Variants in MAML2 observed in about 807,000 individuals in gnomAD.
MAML2 encodes the protein mastermind like transcriptional coactivator 2.
Under a neutral mutation model 96.1 loss-of-function variants are expected in MAML2, and 22 were observed. The ratio of observed to expected loss-of-function variants is 0.23; its 90% CI spans 0.16 to 0.33. The LOEUF is 0.33. Among genes scored for constraint, MAML2 ranks in the 10% least tolerant of loss-of-function variants. The probability of loss-of-function intolerance (pLI) is 1.00; values close to 1 mark genes in which losing one functional copy is unlikely to be tolerated. For missense variants in MAML2, 1,367 were observed against 1,392.4 expected (o/e 0.98, Z 0.29); for synonymous variants, 561 against 521.3 (o/e 1.08, Z -1.04).
intron 1 of MAML2, among the ~76,000 whole-genome samples, chr11:96,141,965 G>A (rs533504386): frequency 1.3e-5 from 2 of 152,302 alleles, no homozygotes; most frequent in African/African-American, 2.4e-5. Flanking sequence ...GATCAAAAAA[G>A]CTAGCCTGAG....
chr11:96,243,857 G>C (rs1180441564), intron 1 of MAML2, among the ~76,000 whole-genome samples: 1 of 152,112 alleles, frequency 6.6e-6, no homozygotes, highest in Non-Finnish European at 1.5e-5. Context: ...GTTTCACCGT[G>C]TTAGTCAGGA....
chr11:96,146,991 C>A (rs1174450688), intron 1 of MAML2, among the ~76,000 whole-genome samples: 17 of 152,166 alleles, frequency 1.1e-4, no homozygotes, highest in Admixed American at 1.1e-3. Flanking sequence ...TGAGTTCAAC[C>A]TTTCAGCTAC....
intron 1 of MAML2, among the ~76,000 whole-genome samples, chr11:96,171,502 G>A (rs1861296612): frequency 6.6e-6 from 1 of 152,184 alleles, no homozygotes; most frequent in Non-Finnish European, 1.5e-5. Context: ...ATGCTTGCAT[G>A]TGATTCGTGT....
intron 1 of MAML2, among the ~76,000 whole-genome samples, chr11:96,132,282 T>C (rs1202927795): frequency 1.3e-5 from 2 of 152,136 alleles, no homozygotes; most frequent in African/African-American, 2.4e-5. Context: ...ATTCAACAAA[T>C]AAGTTATTAA....
chr11:96,168,415 G>T (rs985127712), intron 1 of MAML2, among the ~76,000 whole-genome samples: 2 of 152,082 alleles, frequency 1.3e-5, no homozygotes, highest in Non-Finnish European at 2.9e-5. Flanking sequence ...CTCATTCCCA[G>T]GAATGAAAAT....
rs1210572130 is a variant in MAML2, at chr11:96,093,159, T to C, written c.872A>G (p.Asn291Ser). Residue 291 changes from asparagine (N) to serine (S), a missense_variant, in exon 2 of 5, where the codon AAT (asparagine) becomes AGT (serine). Asn to Ser is a conservative substitution (Grantham distance 46, BLOSUM62 1). Transcript: ENST00000524717. ...GQMTQENIFPNRYGDDPGEQL... is the reference protein window; with the variant it reads ...GQMTQENIFPSRYGDDPGEQL... ...TTCTCCAGGGTCGTCTCCGTACCTA[T>C]TAGGAAAAATATTCTCTTGGGTCAT... The C allele has an allele frequency of 8.1e-6, 13 of 1,613,996 alleles. No individual in the cohort carries two copies. The highest frequency in any genetic ancestry group is 8.5e-6 in the Non-Finnish European group (10 of 1,179,884).
At chr11:96,303,943 T>A (rs984571632) in intron 1 of MAML2, among the ~76,000 whole-genome samples, 30 of 152,164 alleles carry the variant, frequency 2.0e-4, no homozygotes, top group Non-Finnish European at 4.0e-4. Flanking sequence ...GGCCAGCTAA[T>A]CTTGTCACCA....
intron 1 of MAML2, among the ~76,000 whole-genome samples, chr11:96,136,737 A>G (rs1030868420): frequency 1.2e-4 from 19 of 152,250 alleles, no homozygotes; most frequent in Non-Finnish European, 5.9e-5. Context: ...TTCAAAATGC[A>G]TGAAAGCCCA....
intron 1 of MAML2, among the ~76,000 whole-genome samples, chr11:96,104,396 G>A (rs1859988215): frequency 6.6e-6 from 1 of 152,166 alleles, no homozygotes; most frequent in Non-Finnish European, 1.5e-5. Flanking sequence ...ATATGTCTGT[G>A]CCAATTTTTC....
At chr11:96,240,022 C>T (rs1231406931) in intron 1 of MAML2, among the ~76,000 whole-genome samples, 1 of 152,170 alleles carries the variant, frequency 6.6e-6, no homozygotes, top group Non-Finnish European at 1.5e-5. Context: ...TCATCAGTTA[C>T]AGTCTATGAG....
At chr11:96,149,161 C>T (rs912089012) in intron 1 of MAML2, among the ~76,000 whole-genome samples, 3 of 152,112 alleles carry the variant, frequency 2.0e-5, no homozygotes, top group African/African-American at 7.2e-5. Flanking sequence ...CACCTGTAAT[C>T]TCAGAACTTT....
At chr11:96,109,161 A>G (rs1387812581) in intron 1 of MAML2, among the ~76,000 whole-genome samples, 1 of 152,210 alleles carries the variant, frequency 6.6e-6, no homozygotes, top group Non-Finnish European at 1.5e-5. Context: ...GGGTTATTCC[A>G]GGGAACCACT....
intron 2 of MAML2, among the ~76,000 whole-genome samples, chr11:96,060,006 C>A (rs963049444): frequency 6.6e-6 from 1 of 151,938 alleles, no homozygotes; most frequent in Non-Finnish European, 1.5e-5. Context: ...CTGCTGAAGG[C>A]GAAGATGTTC....
chr11:96,178,576 A>T (rs1471103745), intron 1 of MAML2, among the ~76,000 whole-genome samples: 2 of 152,128 alleles, frequency 1.3e-5, no homozygotes, highest in Non-Finnish European at 2.9e-5. Flanking sequence ...CTGAGGGGGA[A>T]AAGGGAGCTG....
intron 1 of MAML2, among the ~76,000 whole-genome samples, chr11:96,259,391 A>T (rs1862716436): frequency 6.6e-6 from 1 of 152,232 alleles, no homozygotes; most frequent in Admixed American, 6.5e-5. Flanking sequence ...AAGTGATTCT[A>T]ATGTGCTTCG....
intron 1 of MAML2, among the ~76,000 whole-genome samples, chr11:96,268,770 ACG>A (rs1385810398): frequency 2.8e-5 from 3 of 108,130 alleles, no homozygotes; most frequent in African/African-American, 8.2e-5. Context: ...TCCCCTGCAC[ACG>A]ATCTGTTGTC....
chr11:96,060,469 A>T (rs1859137654), intron 2 of MAML2, among the ~76,000 whole-genome samples: 1 of 151,870 alleles, frequency 6.6e-6, no homozygotes, highest in Admixed American at 6.6e-5. Flanking sequence ...TCCAGAAAAG[A>T]TCACTATTTA....
chr11:96,254,987 T>C (rs933584266), intron 1 of MAML2, among the ~76,000 whole-genome samples: 4 of 151,808 alleles, frequency 2.6e-5, no homozygotes, highest in African/African-American at 9.7e-5. Context: ...AGCTAAAATT[T>C]TTTTGGCATT....
At chr11:96,163,341 C>T (rs986423912) in intron 1 of MAML2, among the ~76,000 whole-genome samples, 2 of 152,198 alleles carry the variant, frequency 1.3e-5, no homozygotes, top group East Asian at 3.8e-4. Context: ...CCAGTTCTAT[C>T]AACTCTTCCA....
Sources: allele counts gnomAD v4.1 joint callset (sites outside exome capture counted in the v4.1 genomes callset), GRCh38; gene constraint gnomAD v4.1.1; transcripts MANE v1.5; gene names NCBI Gene and HGNC (gene_info 2026-07-23, HGNC 2026-07-21).